The following CNBD1 variants were observed in gnomAD, a reference collection of about 807,000 sequenced individuals.
CNBD1 encodes cyclic nucleotide binding domain containing 1.
Under a neutral mutation model 54.4 loss-of-function variants are expected in CNBD1, and 71 were observed. The observed-to-expected ratio is 1.30, with a 90% CI of 1.08 to 1.59. CNBD1 has a LOEUF of 1.59. Among genes scored for constraint, CNBD1 ranks in the 40% most tolerant of loss-of-function variants. The pLI is 0.00. For missense variants in CNBD1, 659 were observed against 518.0 expected (o/e 1.27, Z -2.64); for synonymous variants, 182 against 170.7 (o/e 1.07, Z -0.51).
chr8:87,413,526 C>G (rs1807782476), intron 2 of CNBD1, among the ~76,000 whole-genome samples: 1 of 152,020 alleles, frequency 6.6e-6, no homozygotes. Flanking sequence ...ATTATATTTA[C>G]CAAGTGTTCC....
chr8:86,990,779 G>A (rs962740224), intron 4 of CNBD1, among the ~76,000 whole-genome samples: 4 of 152,076 alleles, frequency 2.6e-5, no homozygotes, highest in African/African-American at 9.7e-5. Flanking sequence ...GATTGCTTTA[G>A]GTAGTGTGAC....
At chr8:87,093,192 G>A (rs112341971) in intron 4 of CNBD1, among the ~76,000 whole-genome samples, 9 of 152,300 alleles carry the variant, frequency 5.9e-5, no homozygotes, top group African/African-American at 1.9e-4. Flanking sequence ...ATGCAATAAA[G>A]GATCCCTGAG....
chr8:87,082,246 C>G (rs781315210), intron 4 of CNBD1, among the ~76,000 whole-genome samples: 4 of 152,064 alleles, frequency 2.6e-5, no homozygotes, highest in Admixed American at 6.6e-5. Context: ...ACCTTGTGAC[C>G]CACACCCCTG....
rs35376017 is a variant in CNBD1, at chr8:86,936,742, C to CAAA, written c.273-2837_273-2835dup. Among the ~76,000 whole-genome samples the CAAA allele has an allele frequency of 9.3e-3, 939 of 100,840 alleles. 15 individuals are homozygous for CAAA. Among genetic ancestry groups the CAAA allele is most frequent in the African/African-American group, 0.032 (891 of 28,284 alleles). 66.2% of individuals were successfully genotyped at this position (100,840 alleles called of 152,430 possible). A position where few individuals can be genotyped will look rare whatever the true frequency, so the allele number is the denominator to read the frequency against. The stretch of plus-strand genomic sequence containing the variant: ...TAGGTGACAGAGCAAGACTCCATCT[C>CAAA]AAAAAAAAAAAAAAAAAAATCTATA... On this transcript the variant is annotated intron_variant, in intron 3 of 10. Transcript: ENST00000518476.
intron 5 of CNBD1, among the ~76,000 whole-genome samples, chr8:87,234,012 A>T (rs576284853): frequency 6.6e-6 from 1 of 152,204 alleles, no homozygotes; most frequent in Non-Finnish European, 1.5e-5. Context: ...AGTAGATTTC[A>T]TCTAAAGAAA....
chr8:87,004,690 G>C (rs1426820590), intron 4 of CNBD1, among the ~76,000 whole-genome samples: 1 of 152,080 alleles, frequency 6.6e-6, no homozygotes, highest in Non-Finnish European at 1.5e-5. Flanking sequence ...CTATCTAGGA[G>C]TTGTTTCTGG....
At chr8:87,385,140 G>A (rs1373959997), downstream of CNBD1, among the ~76,000 whole-genome samples, 1 of 152,060 alleles carries the variant, frequency 6.6e-6, no homozygotes, top group Non-Finnish European at 1.5e-5. Context: ...TGATGGGGGT[G>A]GAGCCAAGAT....
At chr8:87,190,565 T>A (rs114230955) in intron 4 of CNBD1, among the ~76,000 whole-genome samples, 296 of 152,264 alleles carry the variant, frequency 1.9e-3, no homozygotes, top group African/African-American at 6.7e-3. Context: ...ATGGGTCTAT[T>A]TTCTTACTGT....
At chr8:87,269,111 A>G (rs946187258) in intron 6 of CNBD1, among the ~76,000 whole-genome samples, 1 of 152,092 alleles carries the variant, frequency 6.6e-6, no homozygotes, top group Non-Finnish European at 1.5e-5. Flanking sequence ...ATTGTAAAAG[A>G]AATGGGTCCA....
chr8:86,913,718 T>C (rs1384807935), intron 3 of CNBD1, among the ~76,000 whole-genome samples: 1 of 152,110 alleles, frequency 6.6e-6, no homozygotes, highest in Admixed American at 6.5e-5. Context: ...GAAGTAGACT[T>C]GTCCCGCTGT....
chr8:87,198,821 A>G (rs1813777405), intron 4 of CNBD1, among the ~76,000 whole-genome samples: 1 of 152,206 alleles, frequency 6.6e-6, no homozygotes, highest in African/African-American at 2.4e-5. Flanking sequence ...CATTGCCATA[A>G]ATAAATACCT....
Position 87,331,805 on chromosome 8 carries a change from A to C in CNBD1, c.1043-19880A>C, listed in dbSNP as rs183994134. Among the ~76,000 whole-genome samples, 5 of 152,228 alleles carry C rather than the reference A, an allele frequency of 3.3e-5. No homozygotes were observed. In the East Asian group the frequency reaches 9.7e-4, roughly 29 times the overall value. ...CTGTGGTTTTGATATGCATTTCTCT[A>C]ATGATTAGTGATGTCGAGCTTTTTT... On this transcript the variant is annotated intron_variant, in intron 8 of 10. Transcript: ENST00000518476.
chr8:87,379,987 A>T (rs1347169753), intron 10 of CNBD1, among the ~76,000 whole-genome samples: 1 of 149,174 alleles, frequency 6.7e-6, no homozygotes, highest in East Asian at 1.9e-4. Context: ...GATTATGACA[A>T]AAATTTCAGA....
At chr8:87,325,608 A>G (rs1295984266) in intron 8 of CNBD1, among the ~76,000 whole-genome samples, 1 of 135,352 alleles carries the variant, frequency 7.4e-6, no homozygotes, top group Non-Finnish European at 1.6e-5. Flanking sequence ...CTGTTTTATC[A>G]GAGACTAGGA....
chr8:87,388,376 A>G (rs1586071780), intron 2 of CNBD1, among the ~76,000 whole-genome samples: 2 of 31,672 alleles, frequency 6.3e-5, no homozygotes, highest in African/African-American at 4.8e-4. Flanking sequence ...TGAAGAAAAA[A>G]GAGAAGAATC....
chr8:86,884,053 G>A (rs1423629660), intron 1 of CNBD1, among the ~76,000 whole-genome samples: 1 of 151,408 alleles, frequency 6.6e-6, no homozygotes, highest in Non-Finnish European at 1.5e-5. Context: ...TTGGGAGGCT[G>A]AGGCAGGAGA....
At chr8:87,353,353 A>G (rs938148343) in intron 9 of CNBD1, among the ~76,000 whole-genome samples, 1 of 152,176 alleles carries the variant, frequency 6.6e-6, no homozygotes, top group Non-Finnish European at 1.5e-5. Context: ...TAGATCCTTG[A>G]AATGTGGAAT....
chr8:86,963,194 A>C (rs1807977847), intron 4 of CNBD1, among the ~76,000 whole-genome samples: 1 of 152,038 alleles, frequency 6.6e-6, no homozygotes, highest in Non-Finnish European at 1.5e-5. Context: ...TGCAACCTTC[A>C]CCCATGAAGT....
chr8:86,917,673 C>A (rs893817336), intron 3 of CNBD1, among the ~76,000 whole-genome samples: 3 of 152,072 alleles, frequency 2.0e-5, no homozygotes, highest in Non-Finnish European at 4.4e-5. Context: ...AAAATCCATT[C>A]ATTCCTAAGT....
Sources: allele counts gnomAD v4.1 joint callset (sites outside exome capture counted in the v4.1 genomes callset), GRCh38; gene constraint gnomAD v4.1.1; transcripts MANE v1.5; gene names NCBI Gene and HGNC (gene_info 2026-07-23, HGNC 2026-07-21).